Variants in TAFA2 observed in about 807,000 individuals in gnomAD.
TAFA2 encodes chemokine-like protein TAFA-2.
Under a neutral mutation model 18.8 loss-of-function variants are expected in TAFA2, and 7 were observed. The ratio of observed to expected loss-of-function variants is 0.37; its 90% CI spans 0.21 to 0.70. The LOEUF is 0.70. TAFA2 is among the 30% of genes least tolerant of loss of function. The probability of loss-of-function intolerance (pLI) is 0.53; values close to 1 mark genes in which losing one functional copy is unlikely to be tolerated. For missense variants in TAFA2, 122 were observed against 158.1 expected, an observed-to-expected ratio of 0.77 and a Z score of 1.23; for synonymous variants, 60 against 54.2, an observed-to-expected ratio of 1.11 and a Z score of -0.47.
At position 62,210,041 on chromosome 12, in the gene TAFA2, A is replaced by G. The variant is rs527604623; in HGVS notation, c.-130+48722T>C. Among the ~76,000 whole-genome samples the G allele has an allele frequency of 2.4e-4, 36 of 152,242 alleles. No individual in the cohort carries two copies. The South Asian group carries it at 7.5e-3, about 32-fold the overall frequency. On this transcript the variant is annotated intron_variant, in intron 1 of 5. Transcript: ENST00000551619. ...CAGTGAAACCCCGTCTCTACTAAAAATACAAAAAATTAGCCGGGCGTGGTG... is the reference window on the plus strand; with the variant it reads ...CAGTGAAACCCCGTCTCTACTAAAAGTACAAAAAATTAGCCGGGCGTGGTG...
chr12:61,853,471 G>T (rs965988266), intron 2 of TAFA2, among the ~76,000 whole-genome samples: 1 of 151,884 alleles, frequency 6.6e-6, no homozygotes, highest in Non-Finnish European at 1.5e-5. Flanking sequence ...TTAAAAAAAT[G>T]GATTTAAGTA....
intron 1 of TAFA2, among the ~76,000 whole-genome samples, chr12:61,940,202 G>A (rs1381442279): frequency 6.6e-6 from 1 of 152,188 alleles, no homozygotes. Flanking sequence ...TCATAGACAT[G>A]TAATGTGTGC....
intron 1 of TAFA2, chr12:62,252,023 T>A (rs1291248885): frequency 2.6e-5 from 4 of 152,232 alleles, no homozygotes; most frequent in African/African-American, 9.6e-5. Context: ...GTTAGCGAGA[T>A]ACATAGATTC....
chr12:61,731,168 T>C (rs975861516), intron 4 of TAFA2, among the ~76,000 whole-genome samples: 3 of 152,154 alleles, frequency 2.0e-5, no homozygotes, highest in African/African-American at 7.2e-5. Flanking sequence ...GTTTCAGCTC[T>C]AGGTGAGGTT....
At chr12:62,082,970 A>G (rs1868346512) in intron 1 of TAFA2, among the ~76,000 whole-genome samples, 1 of 152,080 alleles carries the variant, frequency 6.6e-6, no homozygotes, top group Non-Finnish European at 1.5e-5. Flanking sequence ...TGCTATTACT[A>G]ACCTCCTTTT....
chr12:61,854,714 C>T (rs1469799275), intron 2 of TAFA2, among the ~76,000 whole-genome samples: 1 of 151,962 alleles, frequency 6.6e-6, no homozygotes, highest in African/African-American at 2.4e-5. Flanking sequence ...TAATTATTCC[C>T]TCCATAGAAT....
chr12:61,835,677 G>A lies in TAFA2; in HGVS notation c.106+31643C>T, dbSNP rs146888259. Reference sequence around the variant, plus strand: ...ACAATCATATTGCTATTTTTAAACTGTCATAAAGAACTTTGAGTAAATATC... The same window carrying A: ...ACAATCATATTGCTATTTTTAAACTATCATAAAGAACTTTGAGTAAATATC... On this transcript the variant is annotated intron_variant, in intron 2 of 4. Transcript: ENST00000416284. Among the ~76,000 whole-genome samples the A allele has an allele frequency of 2.0e-5, 3 of 151,996 alleles. No homozygotes were observed. In the East Asian group the frequency reaches 5.8e-4, roughly 29 times the overall value.
intron 1 of TAFA2, among the ~76,000 whole-genome samples, chr12:61,888,948 C>T (rs983673968): frequency 6.6e-6 from 1 of 152,130 alleles, no homozygotes; most frequent in South Asian, 2.1e-4. Flanking sequence ...TTTAATGCTA[C>T]CCCTCTCCAT....
In TAFA2 at chr12:62,107,026, A is replaced by G. The variant is rs527539216; in HGVS notation, c.-2+84233T>C. On this transcript the variant is annotated intron_variant, in intron 1 of 4. Coordinates refer to ENST00000416284, the MANE Select transcript of TAFA2 (RefSeq NM_178539.5). ...GAACGAGAAAGGTTCTGCTTTCTTA[A>G]TGTTCCTCACGCAGAGTTTTGATTT... Among the ~76,000 whole-genome samples, 5 of 152,248 alleles carry G rather than the reference A, an allele frequency of 3.3e-5. No individual in the cohort carries two copies. In the South Asian group the frequency reaches 8.3e-4, roughly 25 times the overall value.
At chr12:61,814,910 T>C (rs1466433813) in intron 2 of TAFA2, among the ~76,000 whole-genome samples, 4 of 151,432 alleles carry the variant, frequency 2.6e-5, no homozygotes, top group Admixed American at 2.0e-4. Context: ...GACAAATAGA[T>C]TTTTCCCTAG....
At chr12:61,841,766 G>A (rs1368994153) in intron 2 of TAFA2, among the ~76,000 whole-genome samples, 1 of 152,020 alleles carries the variant, frequency 6.6e-6, no homozygotes, top group Non-Finnish European at 1.5e-5. Flanking sequence ...TCGCAACAAA[G>A]ACACATGTAT....
chr12:61,772,920 G>C (rs114677536), intron 2 of TAFA2, among the ~76,000 whole-genome samples: 1 of 151,860 alleles, frequency 6.6e-6, no homozygotes, highest in South Asian at 2.1e-4. Context: ...AAGTCAAACT[G>C]TCTCTGTGTG....
intron 1 of TAFA2, among the ~76,000 whole-genome samples, chr12:62,107,960 T>TA (rs1869535710): frequency 6.6e-6 from 1 of 152,178 alleles, no homozygotes; most frequent in South Asian, 2.1e-4. Flanking sequence ...ATGGCTTTTT[T>TA]ACCACACTTT....
At chr12:62,222,155 C>T (rs985893542) in intron 1 of TAFA2, among the ~76,000 whole-genome samples, 4 of 152,094 alleles carry the variant, frequency 2.6e-5, no homozygotes, top group African/African-American at 9.7e-5. Context: ...CAGATGCCTA[C>T]CTGTGCCTAT....
intron 1 of TAFA2, among the ~76,000 whole-genome samples, chr12:61,987,564 A>T (rs572748072): frequency 6.6e-6 from 1 of 152,348 alleles, no homozygotes; most frequent in Non-Finnish European, 1.5e-5. Context: ...AAGATGCCAA[A>T]CTACCACAAG....
intron 4 of TAFA2, among the ~76,000 whole-genome samples, chr12:61,724,621 G>A (rs542299932): frequency 1.3e-5 from 2 of 152,134 alleles, no homozygotes; most frequent in African/African-American, 2.4e-5. Context: ...TCACTTATAA[G>A]TGAGAACATA....
upstream of TAFA2, among the ~76,000 whole-genome samples, chr12:62,259,207 A>C (rs917141756): frequency 2.6e-5 from 4 of 152,232 alleles, no homozygotes; most frequent in African/African-American, 9.6e-5. Flanking sequence ...TTTTCACATC[A>C]ATATGGTATG....
At chr12:61,877,603 G>A (rs578133684) in intron 1 of TAFA2, among the ~76,000 whole-genome samples, 7 of 152,210 alleles carry the variant, frequency 4.6e-5, no homozygotes, top group South Asian at 2.1e-4. Context: ...TACAGCCATC[G>A]TCATTTCATA....
chr12:61,754,441 C>T (rs2120760022), intron 3 of TAFA2, among the ~76,000 whole-genome samples: 1 of 151,454 alleles, frequency 6.6e-6, no homozygotes, highest in East Asian at 2.0e-4. Context: ...TATGTTAATT[C>T]TATCCACAAC....
Sources: allele counts gnomAD v4.1 joint callset (sites outside exome capture counted in the v4.1 genomes callset), GRCh38; gene constraint gnomAD v4.1.1; transcripts MANE v1.5; gene names NCBI Gene and HGNC (gene_info 2026-07-23, HGNC 2026-07-21).